Variants in TEK observed in about 807,000 individuals in gnomAD.
TEK encodes TEK receptor tyrosine kinase.
In TEK, 43 loss-of-function variants were observed where a neutral mutation model predicts 131.8. The observed-to-expected ratio is 0.33, with a 90% CI of 0.26 to 0.42. The LOEUF is 0.42. TEK is among the 10% of genes least tolerant of loss of function. The pLI is 1.00. For missense variants in TEK, 1,162 were observed against 1,384.4 expected (o/e 0.84, Z 2.55); for synonymous variants, 580 against 491.6 (o/e 1.18, Z -2.38).
chr9:27,210,852 C>T (rs949231038), intron 16 of TEK, among the ~76,000 whole-genome samples: 14 of 152,120 alleles, frequency 9.2e-5, no homozygotes, highest in Non-Finnish European at 1.8e-4. Flanking sequence ...GGCGTGGTGG[C>T]TCACGCCTAT....
At chr9:27,221,271 C>T (rs1435918737) in intron 21 of TEK, among the ~76,000 whole-genome samples, 1 of 152,212 alleles carries the variant, frequency 6.6e-6, no homozygotes, top group Non-Finnish European at 1.5e-5. Context: ...ACAGCCACAG[C>T]CAGGGGCTTA....
chr9:27,187,760 GC>G (rs1481066425), intron 9 of TEK, among the ~76,000 whole-genome samples: 1 of 152,056 alleles, frequency 6.6e-6, no homozygotes, highest in Non-Finnish European at 1.5e-5. Context: ...CTTGTAGATG[GC>G]CACTGTCTCC....
chr9:27,222,052 G>A (rs1191746975), intron 21 of TEK, among the ~76,000 whole-genome samples: 1 of 152,172 alleles, frequency 6.6e-6, no homozygotes, highest in Non-Finnish European at 1.5e-5. Flanking sequence ...TAAATGACCT[G>A]ATGGAGCTAA....
chr9:27,229,247 A>G lies in TEK; in HGVS notation c.*15A>G, dbSNP rs141937008. 1 of 1,613,138 alleles carries G rather than the reference A, an allele frequency of 6.2e-7. No individual in the cohort carries two copies. The highest frequency in any genetic ancestry group is 1.3e-5 in the African/African-American group (1 of 75,014). On this transcript the variant is annotated 3_prime_UTR_variant, in exon 23 of 23. Transcript: ENST00000380036. ...AAGCGGCCTAGGACAGAACATCTGT[A>G]TACCCTCTGTTTCCCTTTCACTGGC...
At chr9:27,226,952 T>C (rs1431663766) in intron 21 of TEK, among the ~76,000 whole-genome samples, 1 of 152,066 alleles carries the variant, frequency 6.6e-6, no homozygotes, top group Non-Finnish European at 1.5e-5. Flanking sequence ...AAGGAGGGTG[T>C]TAATCTCACT....
intron 1 of TEK, among the ~76,000 whole-genome samples, chr9:27,157,394 G>T (rs1823373720): frequency 6.6e-6 from 1 of 152,038 alleles, no homozygotes. Flanking sequence ...AATCTATAAG[G>T]CATAAGTTTA....
intron 21 of TEK, among the ~76,000 whole-genome samples, chr9:27,222,311 T>C (rs1415499152): frequency 6.6e-6 from 1 of 152,074 alleles, no homozygotes; most frequent in Non-Finnish European, 1.5e-5. Context: ...CCAGGAGAAC[T>C]TCCCCAACCT....
At chr9:27,119,377 A>G (rs116607605) in intron 1 of TEK, among the ~76,000 whole-genome samples, 1,549 of 152,334 alleles carry the variant, frequency 0.01, 8 homozygotes, top group Middle Eastern at 0.024. Flanking sequence ...AGCACTCGAT[A>G]AAAATCAGAT....
chr9:27,199,046 C>T (rs10118142), intron 12 of TEK, among the ~76,000 whole-genome samples: 37,959 of 152,124 alleles, frequency 0.25, 4,925 homozygotes, highest in Admixed American at 0.33. Flanking sequence ...GCAATCCTCC[C>T]GCCTTCGCCT....
chr9:27,114,806 T>A (rs680739), intron 1 of TEK, among the ~76,000 whole-genome samples: 110,267 of 152,094 alleles, frequency 0.72, 41,373 homozygotes, highest in East Asian at 0.92. Flanking sequence ...AACCAGGGCC[T>A]TACTTAAGAT....
chr9:27,201,455 A>T (rs1452326434), intron 12 of TEK, among the ~76,000 whole-genome samples: 1 of 152,164 alleles, frequency 6.6e-6, no homozygotes, highest in Non-Finnish European at 1.5e-5. Flanking sequence ...TTACTCCTTC[A>T]ATCTCATGTG....
intron 1 of TEK, among the ~76,000 whole-genome samples, chr9:27,146,633 C>T (rs2131096321): frequency 6.6e-6 from 1 of 151,528 alleles, no homozygotes; most frequent in East Asian, 1.9e-4. Context: ...TATACTATAG[C>T]TTGTTTATGT....
intron 1 of TEK, among the ~76,000 whole-genome samples, chr9:27,156,339 G>A (rs2131116570): frequency 6.6e-6 from 1 of 152,172 alleles, no homozygotes; most frequent in South Asian, 2.1e-4. Flanking sequence ...TTTAGAGGGA[G>A]AGTAAATAAA....
chr9:27,190,734 A>C, intron 10 of TEK, 44 bp downstream of exon 10: 1 of 1,610,886 alleles, frequency 6.2e-7, no homozygotes. Flanking sequence ...ATGTGGCACC[A>C]GGAGAATTAT....
intron 15 of TEK, among the ~76,000 whole-genome samples, chr9:27,207,953 G>C (rs1309329125): frequency 6.6e-6 from 1 of 152,092 alleles, no homozygotes. Context: ...TTAGTCACAG[G>C]GAGTTTTGGG....
chr9:27,134,757 C>T (rs12335687), intron 1 of TEK, among the ~76,000 whole-genome samples: 3,156 of 152,094 alleles, frequency 0.021, 102 homozygotes, highest in African/African-American at 0.073. Flanking sequence ...TTTCATGATC[C>T]CCTACTAGAA....
At chr9:27,152,187 C>G (rs1221886789) in intron 1 of TEK, among the ~76,000 whole-genome samples, 3 of 152,178 alleles carry the variant, frequency 2.0e-5, no homozygotes, top group Admixed American at 2.0e-4. Context: ...AGTGACCATA[C>G]AGTTAGTTGT....
rs540693785 is a variant in TEK at position 27,130,789 on chromosome 9, C to G, written c.52+21147C>G. ...ATGGGATTTCAACATGTTGATCAGG[C>G]TGGTCTGACCTCGTGATTCACATGC... On this transcript the variant is annotated intron_variant, in intron 1 of 22. Transcript: ENST00000380036. Among the ~76,000 whole-genome samples, 24 of 152,118 alleles carry G rather than the reference C, an allele frequency of 1.6e-4. 1 individual carries two copies. In the South Asian group the frequency reaches 5.0e-3, roughly 32 times the overall value.
intron 1 of TEK, among the ~76,000 whole-genome samples, chr9:27,135,232 G>A (rs1162213654): frequency 7.5e-6 from 1 of 133,156 alleles, no homozygotes; most frequent in Admixed American, 7.7e-5. Flanking sequence ...TTTTTTTTTT[G>A]AGACAAAGGA....
Sources: allele counts gnomAD v4.1 joint callset (sites outside exome capture counted in the v4.1 genomes callset), GRCh38; gene constraint gnomAD v4.1.1; transcripts MANE v1.5; gene names NCBI Gene and HGNC (gene_info 2026-07-23, HGNC 2026-07-21).